Variants in WWTR1 observed in about 807,000 individuals in gnomAD.
WWTR1 encodes the protein WW domain containing transcription regulator 1, also known as WW domain-containing transcription regulator protein 1.
Under a neutral mutation model 40.1 loss-of-function variants are expected in WWTR1, and 13 were observed. That is an observed-to-expected ratio of 0.32 (90% CI 0.21 to 0.52). The LOEUF (loss-of-function observed/expected upper bound fraction) is 0.52. WWTR1 is among the 20% of genes least tolerant of loss of function. WWTR1 has a pLI of 0.97. For missense variants in WWTR1, 436 were observed against 523.1 expected (o/e 0.83, Z 1.63); for synonymous variants, 230 against 210.1 (o/e 1.09, Z -0.82).
At chr3:149,522,402 T>A (rs914555930) in intron 6 of WWTR1, among the ~76,000 whole-genome samples, 5 of 152,198 alleles carry the variant, frequency 3.3e-5, no homozygotes, top group Non-Finnish European at 7.4e-5. Flanking sequence ...TCACAAAATA[T>A]AAATGACTCC....
At chr3:149,661,588 A>C (rs890596160), upstream of WWTR1, among the ~76,000 whole-genome samples, 1 of 151,768 alleles carries the variant, frequency 6.6e-6, no homozygotes, top group African/African-American at 2.4e-5. Flanking sequence ...CGCCTGGCTA[A>C]TTTTTGTATT....
chr3:149,605,415 A>G (rs2108057660), intron 2 of WWTR1, among the ~76,000 whole-genome samples: 1 of 152,288 alleles, frequency 6.6e-6, no homozygotes, highest in African/African-American at 2.4e-5. Flanking sequence ...GAGGAAATGT[A>G]TGAGGCGGGA....
chr3:149,575,684 G>A (rs13081353), intron 2 of WWTR1, among the ~76,000 whole-genome samples: 16,032 of 152,184 alleles, frequency 0.11, 1,063 homozygotes, highest in Non-Finnish European at 0.15. Context: ...CTAAATGCTC[G>A]TCCCCCACTC....
chr3:149,617,672 T>C (rs935649951), intron 2 of WWTR1, among the ~76,000 whole-genome samples: 3 of 152,140 alleles, frequency 2.0e-5, no homozygotes, highest in African/African-American at 7.2e-5. Context: ...TGGTGGTACA[T>C]GCCTGTAGTC....
intron 1 of WWTR1, among the ~76,000 whole-genome samples, chr3:149,686,486 A>G (rs1248004216): frequency 6.6e-6 from 1 of 152,114 alleles, no homozygotes. Context: ...ACCTATGAAT[A>G]GCCACTGCAC....
chr3:149,599,529 G>A (rs1560078559), intron 2 of WWTR1, among the ~76,000 whole-genome samples: 1 of 152,222 alleles, frequency 6.6e-6, no homozygotes, highest in Non-Finnish European at 1.5e-5. Flanking sequence ...ACAGTGTATA[G>A]CTGTTGCCAA....
At chr3:149,635,524 G>GGAGAAGGAGAAGGAGAAA (rs1277764225) in intron 2 of WWTR1, among the ~76,000 whole-genome samples, 3 of 151,224 alleles carry the variant, frequency 2.0e-5, no homozygotes, top group Non-Finnish European at 4.4e-5. Context: ...AGGAGGAGAA[G>GGAGAAGGAGAAGGAGAAA]GAGAAGGAGA....
chr3:149,543,939 T>C (rs1736253232), intron 3 of WWTR1, among the ~76,000 whole-genome samples: 1 of 150,878 alleles, frequency 6.6e-6, no homozygotes, highest in African/African-American at 2.4e-5. Flanking sequence ...TATATGTATA[T>C]ATTTTAAACA....
chr3:149,549,440 C>T (rs1736515679), intron 3 of WWTR1, among the ~76,000 whole-genome samples: 1 of 152,180 alleles, frequency 6.6e-6, no homozygotes, highest in South Asian at 2.1e-4. Context: ...AGGCATCTTA[C>T]AAAATACGAA....
chr3:149,526,201 G>A (rs1045829321), intron 5 of WWTR1, 76 bp from the exon 6 acceptor site: 3 of 1,160,964 alleles, frequency 2.6e-6, no homozygotes, highest in East Asian at 5.4e-5. Flanking sequence ...AGTCACAAAA[G>A]CTCTAAACTA....
intron 2 of WWTR1, among the ~76,000 whole-genome samples, chr3:149,609,787 C>T (rs984693387): frequency 6.6e-6 from 1 of 152,242 alleles, no homozygotes; most frequent in Non-Finnish European, 1.5e-5. Flanking sequence ...CACTCACATG[C>T]TATTTCCTCT....
At chr3:149,629,641 T>G (rs1251462770) in intron 2 of WWTR1, among the ~76,000 whole-genome samples, 1 of 152,150 alleles carries the variant, frequency 6.6e-6, no homozygotes, top group African/African-American at 2.4e-5. Context: ...ACAACAATCT[T>G]TGATAAAAAT....
chr3:149,714,257 T>G (rs949892286), intron 5 of WWTR1, among the ~76,000 whole-genome samples: 5 of 152,118 alleles, frequency 3.3e-5, no homozygotes, highest in Non-Finnish European at 7.4e-5. Flanking sequence ...CTCCCTGTGC[T>G]TAGGGGCTGG....
chr3:149,638,388 G>C (rs952920768), intron 2 of WWTR1, among the ~76,000 whole-genome samples: 1 of 152,062 alleles, frequency 6.6e-6, no homozygotes, highest in Non-Finnish European at 1.5e-5. Context: ...AAGATAAAGA[G>C]GAGCAACTGG....
intron 2 of WWTR1, among the ~76,000 whole-genome samples, chr3:149,667,569 GA>G (rs372223679): frequency 0.031 from 4,652 of 148,594 alleles, 155 homozygotes; most frequent in East Asian, 0.13. Flanking sequence ...AAAAAATTAT[GA>G]AAAAAATCTT....
At chr3:149,681,525 G>A (rs750031842) in intron 1 of WWTR1, among the ~76,000 whole-genome samples, 8 of 152,114 alleles carry the variant, frequency 5.3e-5, no homozygotes, top group Non-Finnish European at 8.8e-5. Flanking sequence ...TTAAAATCAG[G>A]TGTTAGTTTT....
chr3:149,652,492 G>A (rs1209593663), intron 2 of WWTR1, among the ~76,000 whole-genome samples: 1 of 150,918 alleles, frequency 6.6e-6, no homozygotes, highest in Non-Finnish European at 1.5e-5. Context: ...ATATGGTGGT[G>A]CAAACCTATA....
At chr3:149,684,395 G>A (rs904355229) in intron 1 of WWTR1, among the ~76,000 whole-genome samples, 29 of 152,194 alleles carry the variant, frequency 1.9e-4, no homozygotes, top group Non-Finnish European at 2.6e-4. Context: ...GGGTGGGAAG[G>A]AAACTCTTTA....
intron 4 of WWTR1, among the ~76,000 whole-genome samples, chr3:149,532,431 AT>A (rs369840174): frequency 0.074 from 11,324 of 152,182 alleles, 517 homozygotes; most frequent in Admixed American, 0.11. Flanking sequence ...TAAGAAAACA[AT>A]TTTTTTTAAA....
Sources: gnomAD v4.1 joint callset for allele counts (sites outside exome capture counted in the v4.1 genomes callset) on GRCh38, gnomAD v4.1.1 for gene constraint, MANE v1.5 for transcripts, NCBI Gene and HGNC (gene_info 2026-07-23, HGNC 2026-07-21) for gene names.